Variants in NARS2 observed in about 807,000 individuals in gnomAD.
NARS2 encodes the protein asparaginyl-tRNA synthetase 2, mitochondrial.
A neutral mutation model predicts 62.9 loss-of-function variants in NARS2; 60 were observed. The ratio of observed to expected loss-of-function variants is 0.95; its 90% CI spans 0.77 to 1.18. The LOEUF is 1.18. NARS2 is among the 50% of genes most tolerant of loss of function. The pLI, the probability that NARS2 is intolerant of heterozygous loss-of-function variation, is 0.00. For synonymous variants in NARS2, 196 were observed against 200.0 expected (o/e 0.98, Z 0.17); for missense variants, 619 against 576.4 (o/e 1.07, Z -0.76).
chr11:78,502,022 CTA>C (rs1472165813), intron 6 of NARS2, among the ~76,000 whole-genome samples: 4 of 152,048 alleles, frequency 2.6e-5, no homozygotes, highest in Non-Finnish European at 5.9e-5. Flanking sequence ...CTGATATATG[CTA>C]TAACATGGAT....
chr11:78,505,517 A>G (rs901152628), intron 6 of NARS2, among the ~76,000 whole-genome samples: 1 of 151,932 alleles, frequency 6.6e-6, no homozygotes, highest in African/African-American at 2.4e-5. Context: ...AATCAAAAGC[A>G]TGGAAGTAAT....
intron 6 of NARS2, among the ~76,000 whole-genome samples, chr11:78,514,202 A>G (rs1012058251): frequency 1.3e-5 from 2 of 152,130 alleles, no homozygotes; most frequent in Admixed American, 6.5e-5. Context: ...TGTTCACTGC[A>G]GCCTCGACCT....
At chr11:78,440,883 G>C (rs573456532) in intron 13 of NARS2, among the ~76,000 whole-genome samples, 131 of 152,272 alleles carry the variant, frequency 8.6e-4, no homozygotes, top group Middle Eastern at 6.8e-3. Context: ...TAAGCAGTAA[G>C]TAAATGAGAG....
At chr11:78,489,045 C>A (rs1209900306) in intron 7 of NARS2, among the ~76,000 whole-genome samples, 1 of 152,012 alleles carries the variant, frequency 6.6e-6, no homozygotes, top group African/African-American at 2.4e-5. Context: ...ATCATAAAAT[C>A]CTTGAGATCT....
chr11:78,478,020 T>C (rs1475308346), intron 9 of NARS2, among the ~76,000 whole-genome samples: 1 of 152,210 alleles, frequency 6.6e-6, no homozygotes, highest in East Asian at 1.9e-4. Context: ...CTCACGCAGA[T>C]CACTGTGGTA....
At chr11:78,570,661 G>A (rs867589550) in intron 2 of NARS2, among the ~76,000 whole-genome samples, 26 of 152,192 alleles carry the variant, frequency 1.7e-4, no homozygotes, top group African/African-American at 5.5e-4. Flanking sequence ...GACTACAGGC[G>A]TGAGCCACCA....
In NARS2 at chr11:78,437,991, AAG is replaced by A. The variant is rs1491166598; in HGVS notation, c.1290-1179_1290-1178del. Among the ~76,000 whole-genome samples, 12 of 140,098 alleles carry A rather than the reference AAG, an allele frequency of 8.6e-5. No homozygotes were observed. The Admixed American group carries it at 8.9e-4, about 10-fold the overall frequency. The allele number at this position is 140,098 out of a possible 152,430, so 91.9% of individuals were successfully genotyped here. The stretch of plus-strand genomic sequence containing the variant: ...TTCTGTATCAAAAAAAAAAAAAAGA[AAG>A]AAAAAAAAAAAAAGACAAAAACCAA... On this transcript the variant is annotated intron_variant, in intron 13 of 13. Coordinates refer to ENST00000281038, the MANE Select transcript of NARS2 (RefSeq NM_024678.6).
intron 9 of NARS2, among the ~76,000 whole-genome samples, chr11:78,477,683 C>T (rs1859160956): frequency 6.6e-6 from 1 of 152,020 alleles, no homozygotes; most frequent in Admixed American, 6.6e-5. Context: ...TTGAAAAAAG[C>T]AGATCATATT....
rs1325670151 is a variant in NARS2, at chr11:78,465,798, TAAGAA to T, written c.1164+73_1164+77del. The T allele has an allele frequency of 1.7e-5, 25 of 1,458,812 alleles. No homozygotes were observed. In the Admixed American group the frequency reaches 4.5e-4, roughly 27 times the overall value. 90.4% of individuals were successfully genotyped at this position (1,458,812 alleles called of 1,614,324 possible). A position where few individuals can be genotyped will look rare whatever the true frequency, so the allele number is the denominator to read the frequency against. The stretch of plus-strand genomic sequence containing the variant: ...AAGAGATAGAGTGATAGATGACATT[TAAGAA>T]AAGATCACAAAGGCTAAATGAAAAA... On this transcript the variant is annotated intron_variant, in intron 11 of 13. Transcript: ENST00000281038.
rs376724107 is a variant in NARS2, at chr11:78,443,244, T to C, written c.1262+417A>G. On this transcript the variant is annotated intron_variant, in intron 12 of 13. Coordinates refer to ENST00000281038, the MANE Select transcript of NARS2 (RefSeq NM_024678.6). ...GGGAGGCTGAGGCAGGAGAATGGCG[T>C]GAACCCCGGGAGGCAGAGCTTGCAG... Among the ~76,000 whole-genome samples the C allele has an allele frequency of 1.6e-4, 24 of 148,392 alleles. No individual in the cohort carries two copies. In the East Asian group the frequency reaches 4.3e-3, roughly 27 times the overall value.
intron 11 of NARS2, among the ~76,000 whole-genome samples, chr11:78,445,635 A>C (rs980333552): frequency 6.6e-6 from 1 of 152,136 alleles, no homozygotes; most frequent in Non-Finnish European, 1.5e-5. Context: ...CCCAAAAAAC[A>C]ATTAAAAAAA....
At chr11:78,509,728 T>A (rs1438140068) in intron 6 of NARS2, among the ~76,000 whole-genome samples, 2 of 150,360 alleles carry the variant, frequency 1.3e-5, no homozygotes. Flanking sequence ...CTGTTAAAAG[T>A]GCAGTCAAGA....
chr11:78,502,410 A>G (rs1314244728), intron 6 of NARS2, among the ~76,000 whole-genome samples: 1 of 152,192 alleles, frequency 6.6e-6, no homozygotes, highest in African/African-American at 2.4e-5. Flanking sequence ...CTCTTCTTAT[A>G]TGGACACCAG....
intron 6 of NARS2, among the ~76,000 whole-genome samples, chr11:78,498,198 A>G (rs1022889801): frequency 1.3e-5 from 2 of 152,226 alleles, no homozygotes; most frequent in African/African-American, 4.8e-5. Flanking sequence ...GATGGTGGAA[A>G]GGACCAGAAC....
chr11:78,493,259 T>TAAAAATGAACACTCTTAATGATAGGA, intron 6 of NARS2, 64 bp from the exon 7 acceptor site: 1 of 1,470,840 alleles, frequency 6.8e-7, no homozygotes, highest in Non-Finnish European at 9.3e-7. Flanking sequence ...TATTTAAATA[T>TAAAAATGAACACTCTTAATGATAGGA]TCAGTGAGCT....
At chr11:78,466,497 T>C (rs1207029711) in intron 10 of NARS2, among the ~76,000 whole-genome samples, 1 of 152,202 alleles carries the variant, frequency 6.6e-6, no homozygotes, top group East Asian at 1.9e-4. Context: ...TTTGTTTTTT[T>C]TGAGACAGAG....
intron 6 of NARS2, among the ~76,000 whole-genome samples, chr11:78,496,681 T>G (rs1860071716): frequency 6.6e-6 from 1 of 152,124 alleles, no homozygotes; most frequent in South Asian, 2.1e-4. Flanking sequence ...ATAGCTTGTT[T>G]TACGTGTTAA....
intron 5 of NARS2, among the ~76,000 whole-genome samples, chr11:78,530,953 A>G (rs1861455880): frequency 6.6e-6 from 1 of 152,204 alleles, no homozygotes; most frequent in African/African-American, 2.4e-5. Flanking sequence ...TTATATTACA[A>G]TTAAAGTATT....
At chr11:78,529,002 T>C in intron 5 of NARS2, 66 bp from the exon 6 acceptor site, 2 of 1,007,890 alleles carry the variant, frequency 2.0e-6, no homozygotes, top group Non-Finnish European at 3.1e-6. Flanking sequence ...CACATTCATA[T>C]ACATGTCACA....
Sources: allele counts gnomAD v4.1 joint callset (sites outside exome capture counted in the v4.1 genomes callset), GRCh38; gene constraint gnomAD v4.1.1; transcripts MANE v1.5; gene names NCBI Gene and HGNC (gene_info 2026-07-23, HGNC 2026-07-21).